The following WDR1 variants were observed in gnomAD, a reference collection of about 807,000 sequenced individuals.
WDR1 encodes the protein WD repeat-containing protein 1.
Under a neutral mutation model 71.9 loss-of-function variants are expected in WDR1, and 21 were observed. The ratio of observed to expected loss-of-function variants is 0.29; its 90% CI spans 0.21 to 0.42. The LOEUF is 0.42. Among genes scored for constraint, WDR1 ranks in the 10% least tolerant of loss-of-function variants. The pLI is 1.00. For synonymous variants in WDR1, 424 were observed against 347.4 expected (o/e 1.22, Z -2.45); for missense variants, 696 against 824.5 (o/e 0.84, Z 1.91).
chr4:10,077,178 G>A (rs1231504122), intron 14 of WDR1, 126 bp downstream of exon 14: 5 of 1,289,942 alleles, frequency 3.9e-6, no homozygotes, highest in East Asian at 2.5e-5. Flanking sequence ...ACTCTTCCGG[G>A]CCACCTGTCT....
intron 14 of WDR1, 47 bp downstream of exon 14, chr4:10,077,257 C>A: frequency 2.5e-6 from 4 of 1,610,016 alleles, no homozygotes; most frequent in Non-Finnish European, 2.5e-6. Flanking sequence ...GCCCATGGAG[C>A]CCCGAACCAT....
At chr4:10,109,231 G>A (rs1011539745) in intron 2 of WDR1, among the ~76,000 whole-genome samples, 6 of 152,208 alleles carry the variant, frequency 3.9e-5, no homozygotes, top group Non-Finnish European at 8.8e-5. Flanking sequence ...AAGTGGCAGC[G>A]CCAGACCTGA....
At position 10,075,437 on chromosome 4, in the gene WDR1, G is replaced by T; in HGVS notation, c.1762C>A (p.His588Asn). The T allele has an allele frequency of 6.2e-7, 1 of 1,614,038 alleles. No individual in the cohort carries two copies. Residue 588 changes from histidine to asparagine, a missense_variant, in exon 15 of 15, where the codon CAC (histidine) becomes AAC (asparagine). Physicochemically the swap from His to Asn is moderately conservative, Grantham distance 68 (BLOSUM62 1). Transcript: ENST00000499869. ...HVSSLAWLDE[H>N]TLVTTSHDAS... is the part of the protein sequence containing the mutation. Reference sequence around the variant, plus strand: ...TCATGGGAGGTCGTGACCAGCGTGTGCTCGTCCAGCCAGGCCAGGCTGCTG... The same window carrying T: ...TCATGGGAGGTCGTGACCAGCGTGTTCTCGTCCAGCCAGGCCAGGCTGCTG...
chr4:10,081,895 G>T (rs1005047627), intron 10 of WDR1, among the ~76,000 whole-genome samples: 2 of 152,128 alleles, frequency 1.3e-5, no homozygotes, highest in African/African-American at 2.4e-5. Context: ...TTTAGCCTTG[G>T]CCAATGCTAT....
chr4:10,080,793 G>C (rs1764984541), intron 11 of WDR1, among the ~76,000 whole-genome samples: 1 of 152,238 alleles, frequency 6.6e-6, no homozygotes, highest in Non-Finnish European at 1.5e-5. Context: ...AGCCAGGCCG[G>C]GAAGTCAGGT....
In WDR1 at chr4:10,099,077, A is replaced by G. The variant is rs1330954735; in HGVS notation, c.292T>C (p.Tyr98His). Residue 98 changes from tyrosine (Y) to histidine (H), a missense_variant, in exon 4 of 15, where the codon TAC becomes CAC. Physicochemically the swap from Tyr to His is moderately conservative, Grantham distance 83. Coordinates refer to ENST00000499869, the MANE Select transcript of WDR1 (RefSeq NM_017491.5). ...TTGATCTTCCCAGCGAAAGGCTGGTACTCATACTTCAACAGGTGCTCCTTC... is the reference window on the plus strand; with the variant it reads ...TTGATCTTCCCAGCGAAAGGCTGGTGCTCATACTTCAACAGGTGCTCCTTC... ...TQKEHLLKYEYQPFAGKIKDI... is the reference protein window; with the variant it reads ...TQKEHLLKYEHQPFAGKIKDI... The G allele has an allele frequency of 1.9e-6, 3 of 1,612,140 alleles. No individual in the cohort carries two copies. In the African/African-American group the frequency reaches 4.0e-5, roughly 22 times the overall value.
At chr4:10,114,555 C>T (rs1012340945) in intron 2 of WDR1, among the ~76,000 whole-genome samples, 11 of 152,346 alleles carry the variant, frequency 7.2e-5, no homozygotes, top group Non-Finnish European at 1.3e-4. Flanking sequence ...CAGGGAAGGC[C>T]TGGTTAGGGG....
chr4:10,081,481 G>A, intron 10 of WDR1, 37 bp from the exon 11 acceptor site: 2 of 1,596,766 alleles, frequency 1.3e-6, no homozygotes, highest in Non-Finnish European at 1.7e-6. Context: ...CTTCGACAAT[G>A]CAGCAGCTCA....
intron 5 of WDR1, among the ~76,000 whole-genome samples, 166 bp downstream of exon 5, chr4:10,097,545 G>C (rs971457060): frequency 2.0e-5 from 3 of 152,240 alleles, no homozygotes; most frequent in Non-Finnish European, 2.9e-5. Flanking sequence ...CGAGTGCTGG[G>C]TGGGGGAGCC....
chr4:10,116,278 G>A, intron 1 of WDR1, 44 bp from the exon 2 acceptor site: 1 of 1,611,232 alleles, frequency 6.2e-7, no homozygotes, highest in Non-Finnish European at 8.5e-7. Context: ...GGCAGGGCGG[G>A]GACGGCGGGG....
intron 2 of WDR1, among the ~76,000 whole-genome samples, chr4:10,104,304 G>C (rs1024119863): frequency 6.6e-6 from 1 of 152,118 alleles, no homozygotes; most frequent in Non-Finnish European, 1.5e-5. Flanking sequence ...ATACACAAAA[G>C]GTGGATTAGA....
Position 10,079,012 on chromosome 4 carries a change from C to A in WDR1, c.1285-11G>T, listed in dbSNP as rs1282856087. On this transcript the variant is annotated splice_polypyrimidine_tract_variant and intron_variant, in intron 11 of 14. Transcript: ENST00000499869. ...CTTCAGCAGGACAATCTGTGGCACA[C>A]ACAGGCAGCTGGTCAGGCGGTCCAG... The A allele has an allele frequency of 2.5e-6, 4 of 1,588,872 alleles. No homozygotes were observed. The highest frequency in any genetic ancestry group is 3.4e-6 in the Non-Finnish European group (4 of 1,165,026).
At chr4:10,085,283 G>C (rs866537691) in intron 8 of WDR1, among the ~76,000 whole-genome samples, 3 of 152,370 alleles carry the variant, frequency 2.0e-5, no homozygotes, top group East Asian at 1.9e-4. Context: ...AGGAATTCTT[G>C]ATCTCTGTGG....
intron 11 of WDR1, among the ~76,000 whole-genome samples, chr4:10,079,334 TAAC>T (rs1364733051): frequency 3.3e-5 from 5 of 152,234 alleles, no homozygotes; most frequent in Admixed American, 6.5e-5. Context: ...AGAAAGGTAC[TAAC>T]AACAGTAAAC....
At chr4:10,094,092 G>A (rs760844692) in intron 5 of WDR1, among the ~76,000 whole-genome samples, 2 of 152,226 alleles carry the variant, frequency 1.3e-5, no homozygotes, top group African/African-American at 2.4e-5. Flanking sequence ...AGGGAAGCCA[G>A]AAGTCTTCCG....
At position 10,116,205 on chromosome 4, in the gene WDR1, C is replaced by T; in HGVS notation, c.46G>A (p.Glu16Lys). 6.2e-7 allele frequency: 1 copy of T among 1,613,758 alleles called. No individual in the cohort carries two copies. Among genetic ancestry groups the T allele is most frequent in the Non-Finnish European group, 8.5e-7 (1 of 1,179,830 alleles). ...CCGATGATCTTGGAGACGCCCCTCT[C>T]CACCTGCGGGAGGCTGGCGAACACC... Reference protein sequence around the residue: ...KKVFASLPQVERGVSKIIGGD... With the variant: ...KKVFASLPQVKRGVSKIIGGD... The change falls in exon 2 of 15, where the codon GAG becomes AAG. Residue 16 changes from glutamate (E) to lysine (K), a missense_variant. Glu to Lys is a moderately conservative substitution (Grantham distance 56, BLOSUM62 1). Coordinates refer to ENST00000499869, the MANE Select transcript of WDR1 (RefSeq NM_017491.5).
intron 5 of WDR1, chr4:10,091,438 C>A (rs377202731): frequency 6.6e-6 from 1 of 152,262 alleles, no homozygotes; most frequent in Non-Finnish European, 1.5e-5. Flanking sequence ...GCTTTACCCC[C>A]CGAGGGGCCA....
At chr4:10,101,233 T>G (rs1255400698) in intron 3 of WDR1, among the ~76,000 whole-genome samples, 2 of 152,114 alleles carry the variant, frequency 1.3e-5, no homozygotes. Context: ...GCTCCCAGAG[T>G]GCCGGAGGCT....
rs1215173666 is a variant in WDR1, at chr4:10,116,421, G to A, written c.17-187C>T. Reference sequence around the variant, plus strand: ...GTCCGCGCCCCGGGCCAGGCCCTTGGGGGCAGCGGGGCTCCTCCGGCTCGG... The same window carrying A: ...GTCCGCGCCCCGGGCCAGGCCCTTGAGGGCAGCGGGGCTCCTCCGGCTCGG... On this transcript the variant is annotated intron_variant, in intron 1 of 14. Coordinates refer to ENST00000499869, the MANE Select transcript of WDR1 (RefSeq NM_017491.5). The A allele has an allele frequency of 4.3e-6, 4 of 922,258 alleles. No homozygotes were observed. In the African/African-American group the frequency reaches 5.3e-5, roughly 12 times the overall value. The allele number at this position is 922,258 out of a possible 1,614,324, so 57.1% of individuals were successfully genotyped here. A position where few individuals can be genotyped will look rare whatever the true frequency, so the allele number is the denominator to read the frequency against.
Sources: gnomAD v4.1 joint callset for allele counts (sites outside exome capture counted in the v4.1 genomes callset) on GRCh38, gnomAD v4.1.1 for gene constraint, MANE v1.5 for transcripts, NCBI Gene and HGNC (gene_info 2026-07-23, HGNC 2026-07-21) for gene names.